APP: variants seen among roughly 807,000 people sequenced by gnomAD.
APP encodes the protein amyloid beta precursor protein.
In APP, 31 loss-of-function variants were observed where a neutral mutation model predicts 101.4. The ratio of observed to expected loss-of-function variants is 0.31; its 90% CI spans 0.23 to 0.41. APP has a LOEUF of 0.41. APP is among the 10% of genes least tolerant of loss of function. The pLI is 1.00. For missense variants in APP, 839 were observed against 1,003.7 expected (o/e 0.84, Z 2.22); for synonymous variants, 366 against 364.4 (o/e 1.00, Z -0.05).
chr21:26,006,687 A>G (rs1447353585), intron 6 of APP, among the ~76,000 whole-genome samples: 1 of 152,232 alleles, frequency 6.6e-6, no homozygotes. Context: ...AAGGTTAGAA[A>G]GCTGATTTTA....
rs1206506558 is a variant in APP at position 26,170,584 on chromosome 21, A to T, written c.37T>A (p.Trp13Arg). Reference sequence around the variant, plus strand: ...CCCACCTCCAGCGCCCGAGCCGTCCAGGCGGCCAGCAGGAGCAGTGCCAAA... The same window carrying T: ...CCCACCTCCAGCGCCCGAGCCGTCCTGGCGGCCAGCAGGAGCAGTGCCAAA... The part of the protein sequence containing the change: ...PGLALLLLAA[W>R]TARALEVPTD... Residue 13 changes from tryptophan to arginine, a missense_variant, in exon 1 of 18, where the codon TGG becomes AGG. Transcript: ENST00000346798. 1.9e-6 allele frequency: 3 copies of T among 1,538,786 alleles called. No homozygotes were observed. The African/African-American group carries it at 4.1e-5, about 21-fold the overall frequency.
chr21:26,019,358 T>C (rs935532900), intron 6 of APP, among the ~76,000 whole-genome samples: 3 of 152,212 alleles, frequency 2.0e-5, no homozygotes, highest in African/African-American at 7.2e-5. Context: ...CTAGTCCTGA[T>C]GACTCTACAG....
intron 2 of APP, among the ~76,000 whole-genome samples, chr21:26,107,220 A>T (rs1252391171): frequency 2.0e-5 from 3 of 152,178 alleles, no homozygotes; most frequent in Non-Finnish European, 4.4e-5. Flanking sequence ...CAGACACCCC[A>T]TAGCAATGCA....
At chr21:26,156,632 G>C (rs2063380736) in intron 1 of APP, among the ~76,000 whole-genome samples, 1 of 152,336 alleles carries the variant, frequency 6.6e-6, no homozygotes, top group South Asian at 2.1e-4. Context: ...TGGGTTTGAA[G>C]CATAGCCAGT....
At chr21:26,029,185 ACGGTTACATTTCT>A (rs1440827026) in intron 5 of APP, among the ~76,000 whole-genome samples, 1 of 152,204 alleles carries the variant, frequency 6.6e-6, no homozygotes, top group African/African-American at 2.4e-5. Context: ...GTTACCCAGT[ACGGTTACATTTCT>A]TACAGCAACT....
intron 13 of APP, among the ~76,000 whole-genome samples, chr21:25,944,982 T>G (rs1433679630): frequency 6.6e-6 from 1 of 152,146 alleles, no homozygotes; most frequent in East Asian, 1.9e-4. Context: ...AGAAAATAGC[T>G]TTGGAACTGC....
rs1290755000 is a variant in APP at position 26,052,425 on chromosome 21, G to A, written c.468+811C>T. On this transcript the variant is annotated intron_variant, in intron 4 of 17. Coordinates refer to ENST00000346798, the MANE Select transcript of APP (RefSeq NM_000484.4). ...GTGAAGCACTATGAGCTAGATAAAG[G>A]AGCCTAATTCTAGTTAGCCTAAGAC... Among the ~76,000 whole-genome samples the A allele has an allele frequency of 2.6e-5, 4 of 151,912 alleles. No homozygotes were observed. In the East Asian group the frequency reaches 7.7e-4, roughly 29 times the overall value.
intron 1 of APP, among the ~76,000 whole-genome samples, chr21:26,164,465 T>G (rs1301527684): frequency 6.6e-6 from 1 of 152,198 alleles, no homozygotes; most frequent in African/African-American, 2.4e-5. Flanking sequence ...AAGATTCTAC[T>G]GAAAACTAAA....
At chr21:25,989,508 T>G (rs1041021651) in intron 8 of APP, among the ~76,000 whole-genome samples, 3 of 152,160 alleles carry the variant, frequency 2.0e-5, no homozygotes, top group Admixed American at 6.5e-5. Flanking sequence ...ATGACCCACC[T>G]TCAAACAGCA....
chr21:26,129,688 GAACT>G (rs1751003406), intron 1 of APP, among the ~76,000 whole-genome samples: 1 of 152,020 alleles, frequency 6.6e-6, no homozygotes, highest in South Asian at 2.1e-4. Context: ...AAGTGAATAA[GAACT>G]AAGAACAGAA....
intron 13 of APP, among the ~76,000 whole-genome samples, chr21:25,928,122 T>A (rs7410071): frequency 1 from 152,084 of 152,092 alleles, 76,038 homozygotes; most frequent in Middle Eastern, 1. Flanking sequence ...AGGTGGGCGG[T>A]TCACGAGGTC....
chr21:25,948,004 CAAAAAAAAAAA>C lies in APP; in HGVS notation c.1687+6575_1687+6585del. On this transcript the variant is annotated intron_variant, in intron 13 of 17. Transcript: ENST00000346798. ...TGGGTGACTGAGCAAGACTCCATCT[CAAAAAAAAAAA>C]AAAAAAAAAAGTTCTTATGTCCAAA... Among the ~76,000 whole-genome samples, 3 of 71,076 alleles carry C rather than the reference CAAAAAAAAAAA, an allele frequency of 4.2e-5. 1 individual carries two copies. In the South Asian group the frequency reaches 1.6e-3, roughly 39 times the overall value. 46.6% of individuals were successfully genotyped at this position (71,076 alleles called of 152,430 possible). A position where few individuals can be genotyped will look rare whatever the true frequency, so the allele number is the denominator to read the frequency against.
At chr21:25,886,971 T>A (rs151095121) in intron 17 of APP, among the ~76,000 whole-genome samples, 46 of 149,590 alleles carry the variant, frequency 3.1e-4, no homozygotes, top group African/African-American at 1.1e-3. Flanking sequence ...ATGCCATACC[T>A]CCATAAAAGC....
intron 3 of APP, among the ~76,000 whole-genome samples, chr21:26,069,776 C>T (rs1489770707): frequency 6.6e-6 from 1 of 152,088 alleles, no homozygotes; most frequent in African/African-American, 2.4e-5. Context: ...CAGGCATTTT[C>T]CAAATAAAAA....
In APP at chr21:26,170,687, C is replaced by A; in HGVS notation, c.-67G>T. On this transcript the variant is annotated 5_prime_UTR_variant, in exon 1 of 18. Transcript: ENST00000346798. ...GGGATCCGCCGCGTCCTTGCTCTGC[C>A]CGCGCCGCCACCGCCGCCGTCTCCC... The A allele has an allele frequency of 6.9e-7, 1 of 1,441,730 alleles. No homozygotes were observed. Among genetic ancestry groups the A allele is most frequent in the Non-Finnish European group, 9.1e-7 (1 of 1,099,884 alleles). 89.3% of individuals were successfully genotyped at this position (1,441,730 alleles called of 1,614,324 possible).
intron 5 of APP, among the ~76,000 whole-genome samples, chr21:26,042,991 G>T (rs2045444768): frequency 6.6e-6 from 1 of 152,084 alleles, no homozygotes; most frequent in Non-Finnish European, 1.5e-5. Context: ...TCATTACACT[G>T]GAGGAAAAAG....
intron 1 of APP, among the ~76,000 whole-genome samples, chr21:26,166,871 T>TGAGAGAGAGAGA (rs559340452): frequency 1.5e-5 from 2 of 135,196 alleles, no homozygotes. Flanking sequence ...GTCACTCAAG[T>TGAGAGAGAGAGA]GAGAGAGAGA....
intron 6 of APP, among the ~76,000 whole-genome samples, chr21:26,003,338 G>C (rs1375616823): frequency 1.3e-5 from 2 of 152,248 alleles, no homozygotes; most frequent in African/African-American, 4.8e-5. Context: ...TAAAGGCCAA[G>C]AAAAGAGTGA....
chr21:26,132,188 C>T (rs1302695454), intron 1 of APP, among the ~76,000 whole-genome samples: 1 of 152,186 alleles, frequency 6.6e-6, no homozygotes, highest in Non-Finnish European at 1.5e-5. Context: ...TGAATAGCTA[C>T]TGCACTCCAG....
Sources: gnomAD v4.1 joint callset for allele counts (sites outside exome capture counted in the v4.1 genomes callset) on GRCh38, gnomAD v4.1.1 for gene constraint, MANE v1.5 for transcripts, NCBI Gene and HGNC (gene_info 2026-07-23, HGNC 2026-07-21) for gene names.